Variants in CNTNAP2 observed in about 807,000 individuals in gnomAD.
The protein encoded by CNTNAP2 is contactin-associated protein-like 2.
A neutral mutation model predicts 155.2 loss-of-function variants in CNTNAP2; 98 were observed. That is an observed-to-expected ratio of 0.63 (90% CI 0.54 to 0.75). The LOEUF (loss-of-function observed/expected upper bound fraction) is 0.75. Ranked by LOEUF, CNTNAP2 falls within the 30% of genes least tolerant of loss-of-function variation. The pLI, the probability that CNTNAP2 is intolerant of heterozygous loss-of-function variation, is 0.00. For synonymous variants in CNTNAP2, 651 were observed against 631.2 expected (o/e 1.03, Z -0.47); for missense variants, 1,727 against 1,688.1 (o/e 1.02, Z -0.40).
chr7:147,584,716 T>A (rs1054144226), intron 12 of CNTNAP2, among the ~76,000 whole-genome samples: 1 of 152,162 alleles, frequency 6.6e-6, no homozygotes, highest in African/African-American at 2.4e-5. Context: ...ATGTGAAAAA[T>A]TCAGAGCTTC....
At chr7:146,550,405 T>TTTG (rs1798098940) in intron 1 of CNTNAP2, among the ~76,000 whole-genome samples, 1 of 102,794 alleles carries the variant, frequency 9.7e-6, no homozygotes, top group African/African-American at 3.3e-5. Context: ...TAATCTGTTT[T>TTTG]TTTTTTTTTT....
Position 147,304,659 on chromosome 7 carries a change from G to C in CNTNAP2, c.1498+4369G>C, listed in dbSNP as rs528053986. 2.0e-5 allele frequency among the ~76,000 whole-genome samples: 3 copies of C among 152,262 alleles called. No individual in the cohort carries two copies. In the East Asian group the frequency reaches 5.8e-4, roughly 29 times the overall value. ...GTACCAAAGCAAGTGGTGAAGGCAA[G>C]AGAAAAAGAAAGCAGTGGAGCTGGC... is the stretch of plus-strand genomic sequence containing the variant. On this transcript the variant is annotated intron_variant, in intron 9 of 23. Coordinates refer to ENST00000361727, the MANE Select transcript of CNTNAP2 (RefSeq NM_014141.6).
At chr7:146,832,432 A>T (rs1803530664) in intron 2 of CNTNAP2, among the ~76,000 whole-genome samples, 1 of 150,464 alleles carries the variant, frequency 6.6e-6, no homozygotes, top group African/African-American at 2.4e-5. Flanking sequence ...TGCAAATTTT[A>T]ACAGGTTTAC....
At chr7:146,275,570 T>C (rs1800150833) in intron 1 of CNTNAP2, among the ~76,000 whole-genome samples, 1 of 152,168 alleles carries the variant, frequency 6.6e-6, no homozygotes, top group African/African-American at 2.4e-5. Context: ...TAAACCCACA[T>C]GTGTGTGGGG....
At chr7:146,465,740 G>T (rs1467133558) in intron 1 of CNTNAP2, among the ~76,000 whole-genome samples, 1 of 152,114 alleles carries the variant, frequency 6.6e-6, no homozygotes, top group African/African-American at 2.4e-5. Context: ...GATACGGCAG[G>T]ATAGGTTATT....
At chr7:146,297,379 A>G (rs772539534) in intron 1 of CNTNAP2, among the ~76,000 whole-genome samples, 1 of 152,036 alleles carries the variant, frequency 6.6e-6, no homozygotes, top group Non-Finnish European at 1.5e-5. Context: ...ATTCCATTTT[A>G]TTGCCATTTT....
chr7:147,996,791 T>C (rs1388405240), intron 15 of CNTNAP2, among the ~76,000 whole-genome samples: 2 of 152,190 alleles, frequency 1.3e-5, no homozygotes, highest in Admixed American at 6.5e-5. Context: ...TCAGAAATAA[T>C]AAATTACAAT....
chr7:147,392,912 C>T (rs1018269406), intron 9 of CNTNAP2, among the ~76,000 whole-genome samples: 1 of 152,028 alleles, frequency 6.6e-6, no homozygotes, highest in Admixed American at 6.6e-5. Context: ...CCAGACATCA[C>T]ATTCTTTATT....
chr7:148,101,637 A>G (rs10235838), intron 15 of CNTNAP2, among the ~76,000 whole-genome samples: 15,278 of 152,068 alleles, frequency 0.1, 2,073 homozygotes, highest in African/African-American at 0.31. Context: ...GCATCTTCCA[A>G]TCTTAATTTT....
chr7:146,178,185 C>CACCAT (rs1207662808), intron 1 of CNTNAP2, among the ~76,000 whole-genome samples: 1 of 152,132 alleles, frequency 6.6e-6, no homozygotes, highest in African/African-American at 2.4e-5. Flanking sequence ...AGGCACCTGC[C>CACCAT]ACCATGCCCG....
chr7:147,373,472 C>T (rs559555696), intron 9 of CNTNAP2, among the ~76,000 whole-genome samples: 8 of 152,056 alleles, frequency 5.3e-5, no homozygotes, highest in African/African-American at 1.9e-4. Flanking sequence ...ATACTTTTTA[C>T]TTCAAATGTA....
chr7:147,601,644 A>AAAAAATAT (rs1299075338), intron 12 of CNTNAP2, among the ~76,000 whole-genome samples: 39 of 87,454 alleles, frequency 4.5e-4, no homozygotes, highest in African/African-American at 1.2e-3. Flanking sequence ...CTTAAAAAAA[A>AAAAAATAT]ATATATATAT....
At chr7:147,300,061 A>G in intron 8 of CNTNAP2, 80 bp from the exon 9 acceptor site, 1 of 1,444,686 alleles carries the variant, frequency 6.9e-7, no homozygotes, top group South Asian at 1.2e-5. Flanking sequence ...TATTTGTAAA[A>G]TCGTGATTTG....
At chr7:146,821,355 G>A (rs1803279276) in intron 2 of CNTNAP2, among the ~76,000 whole-genome samples, 1 of 152,038 alleles carries the variant, frequency 6.6e-6, no homozygotes, top group Non-Finnish European at 1.5e-5. Context: ...TTTAGGGCAG[G>A]CCTGGTGGTG....
chr7:146,785,882 T>C (rs1349793370), intron 2 of CNTNAP2, among the ~76,000 whole-genome samples: 1 of 152,210 alleles, frequency 6.6e-6, no homozygotes, highest in Non-Finnish European at 1.5e-5. Context: ...GGCTTTCGAC[T>C]TGTGCTGGCT....
intron 3 of CNTNAP2, among the ~76,000 whole-genome samples, chr7:147,008,962 A>AT (rs111416964): frequency 0.058 from 8,283 of 142,240 alleles, 581 homozygotes; most frequent in African/African-American, 0.17. Context: ...TGGTGTTTGG[A>AT]TTTTTTTTTT....
intron 8 of CNTNAP2, among the ~76,000 whole-genome samples, chr7:147,255,921 A>T (rs1337260365): frequency 6.6e-6 from 1 of 151,168 alleles, no homozygotes; most frequent in East Asian, 2.0e-4. Flanking sequence ...TTGTATTTTT[A>T]GTAGAGACAG....
intron 13 of CNTNAP2, among the ~76,000 whole-genome samples, chr7:147,869,956 T>C (rs1799300080): frequency 6.6e-6 from 1 of 152,178 alleles, no homozygotes; most frequent in Admixed American, 6.5e-5. Context: ...CTGTACTAAA[T>C]ATTTTGCTAA....
intron 15 of CNTNAP2, among the ~76,000 whole-genome samples, chr7:148,015,972 A>G (rs187322548): frequency 2.6e-3 from 393 of 152,338 alleles, no homozygotes; most frequent in African/African-American, 9.1e-3. Context: ...GAGTCTAATG[A>G]AAGGGGTACT....
Sources: gnomAD v4.1 joint callset for allele counts (sites outside exome capture counted in the v4.1 genomes callset) on GRCh38, gnomAD v4.1.1 for gene constraint, MANE v1.5 for transcripts, NCBI Gene and HGNC (gene_info 2026-07-23, HGNC 2026-07-21) for gene names.